The following HOOK3 variants were observed in gnomAD, a reference collection of about 807,000 sequenced individuals.
The protein encoded by HOOK3 is protein Hook homolog 3.
A neutral mutation model predicts 116.3 loss-of-function variants in HOOK3; 24 were observed. That is an observed-to-expected ratio of 0.21 (90% CI 0.15 to 0.29). HOOK3 has a LOEUF of 0.29. Ranked by LOEUF, HOOK3 falls within the 10% of genes least tolerant of loss-of-function variation. The pLI, the probability that HOOK3 is intolerant of heterozygous loss-of-function variation, is 1.00. For synonymous variants in HOOK3, 275 were observed against 283.0 expected, an observed-to-expected ratio of 0.97 and a Z score of 0.28; for missense variants, 632 against 830.2, an observed-to-expected ratio of 0.76 and a Z score of 2.93.
Position 42,919,232 on chromosome 8 carries a change from G to A in HOOK3, c.144-6325G>A, listed in dbSNP as rs565558583. ...GGGCTCCTCACTTCACAGACGGGGC[G>A]GCTTCCGGGCAGAGGGGCTCCTCAC... On this transcript the variant is annotated intron_variant, in intron 2 of 21. Transcript: ENST00000307602. Among the ~76,000 whole-genome samples the A allele has an allele frequency of 1.2e-4, 18 of 151,478 alleles. No homozygotes were observed. The East Asian group carries it at 1.8e-3, about 15-fold the overall frequency.
chr8:42,918,269 C>A (rs546648022), intron 2 of HOOK3, among the ~76,000 whole-genome samples: 2 of 151,950 alleles, frequency 1.3e-5, no homozygotes, highest in Admixed American at 1.3e-4. Context: ...ACCCAGGAGG[C>A]GGAGGTTGCA....
At chr8:42,988,014 T>C (rs990892909) in intron 15 of HOOK3, among the ~76,000 whole-genome samples, 1 of 152,198 alleles carries the variant, frequency 6.6e-6, no homozygotes, top group Admixed American at 6.6e-5. Context: ...TCACAATTGC[T>C]GTGACAGTTG....
chr8:42,957,510 T>C (rs1808457629), intron 7 of HOOK3, among the ~76,000 whole-genome samples: 1 of 152,150 alleles, frequency 6.6e-6, no homozygotes, highest in African/African-American at 2.4e-5. Flanking sequence ...CAGCTTATGA[T>C]TATATGAATC....
rs73627289 is a variant in HOOK3, at chr8:43,025,009, A to G, written c.*6511A>G. On this transcript the variant is annotated 3_prime_UTR_variant, in exon 22 of 22. Transcript: ENST00000307602. ...TTTCACATGTATTATCTATATGACT[A>G]TAGAAACTTATAAAACATTTAATTC... 2,318 of 203,354 alleles carry G rather than the reference A, an allele frequency of 0.011. 54 individuals are homozygous for G. The highest frequency in any genetic ancestry group is 0.05 in the African/African-American group (2,212 of 43,852). 12.6% of individuals were successfully genotyped at this position (203,354 alleles called of 1,614,324 possible).
intron 4 of HOOK3, among the ~76,000 whole-genome samples, chr8:42,935,256 A>G (rs975706951): frequency 2.1e-4 from 31 of 151,158 alleles, no homozygotes; most frequent in African/African-American, 7.1e-4. Flanking sequence ...TTTCTTGTAC[A>G]TTTGTTTAAG....
At chr8:42,977,750 C>A (rs1441858907) in intron 13 of HOOK3, among the ~76,000 whole-genome samples, 1 of 152,062 alleles carries the variant, frequency 6.6e-6, no homozygotes, top group Admixed American at 6.6e-5. Flanking sequence ...GCCTGTAATC[C>A]TAGCTACTCG....
At chr8:42,951,969 A>C (rs1371933463) in intron 6 of HOOK3, among the ~76,000 whole-genome samples, 1 of 152,144 alleles carries the variant, frequency 6.6e-6, no homozygotes, top group South Asian at 2.1e-4. Flanking sequence ...AAAGAAAAAC[A>C]TGAAAAATAT....
In HOOK3 at chr8:43,018,916, A is replaced by G. The variant is rs1192621845; in HGVS notation, c.*418A>G. On this transcript the variant is annotated 3_prime_UTR_variant, in exon 22 of 22. Transcript: ENST00000307602. ...TTGTTTAAAGGGAATTAATCTTTTT[A>G]TGATGTATTAATCTGTGTTTTCAAT... The G allele has an allele frequency of 9.0e-6, 2 of 221,994 alleles. No individual in the cohort carries two copies. Among genetic ancestry groups the G allele is most frequent in the Non-Finnish European group, 1.8e-5 (2 of 111,014 alleles). The allele number at this position is 221,994 out of a possible 1,614,324, so 13.8% of individuals were successfully genotyped here. A position where few individuals can be genotyped will look rare whatever the true frequency, so the allele number is the denominator to read the frequency against.
intron 5 of HOOK3, 134 bp downstream of exon 5, chr8:42,943,579 A>T: frequency 2.1e-6 from 1 of 482,546 alleles, no homozygotes; most frequent in African/African-American, 2.0e-5. Flanking sequence ...GCCATTTTCT[A>T]CAGTTTTACT....
intron 4 of HOOK3, among the ~76,000 whole-genome samples, chr8:42,934,178 T>C (rs1044906046): frequency 2.0e-5 from 3 of 152,080 alleles, no homozygotes; most frequent in African/African-American, 7.2e-5. Context: ...CTTTCTCTCG[T>C]TTTTTCTCTC....
In HOOK3 at chr8:42,951,836, G is replaced by A. The variant is rs544242444; in HGVS notation, c.468+1381G>A. Among the ~76,000 whole-genome samples the A allele has an allele frequency of 2.6e-5, 4 of 152,184 alleles. No homozygotes were observed. The East Asian group carries it at 7.8e-4, about 29-fold the overall frequency. On this transcript the variant is annotated intron_variant, in intron 6 of 21. Coordinates refer to ENST00000307602, the MANE Select transcript of HOOK3 (RefSeq NM_032410.4). ...CATGCCTGTAGTCCCAGCTTCTCGG[G>A]AGGCTGAGGCAGGAAAATTGCTTGA...
chr8:42,957,895 T>C (rs908104820), intron 7 of HOOK3, among the ~76,000 whole-genome samples: 3 of 148,390 alleles, frequency 2.0e-5, no homozygotes, highest in Non-Finnish European at 4.4e-5. Flanking sequence ...AGTGGCGCAA[T>C]CTCGGCTCAC....
At chr8:42,958,394 A>C (rs2130410046) in intron 7 of HOOK3, among the ~76,000 whole-genome samples, 1 of 152,114 alleles carries the variant, frequency 6.6e-6, no homozygotes, top group Middle Eastern at 3.4e-3. Flanking sequence ...ATTTTTTTTC[A>C]TACTTTGCTA....
intron 19 of HOOK3, among the ~76,000 whole-genome samples, chr8:43,012,036 C>A (rs867594653): frequency 6.6e-6 from 1 of 152,146 alleles, no homozygotes; most frequent in African/African-American, 2.4e-5. Context: ...TAGGCTTACA[C>A]CAGTCAGGAC....
Position 43,025,824 on chromosome 8 carries a change from C to G in HOOK3, c.*7326C>G, listed in dbSNP as rs1247171081. 4.7e-6 allele frequency: 1 copy of G among 210,594 alleles called. No individual in the cohort carries two copies. The highest frequency in any genetic ancestry group is 5.9e-5 in the Admixed American group (1 of 16,910). 13.0% of individuals were successfully genotyped at this position (210,594 alleles called of 1,614,324 possible). On this transcript the variant is annotated 3_prime_UTR_variant, in exon 22 of 22. Transcript: ENST00000307602. ...ATTTTATGTCCTTCTTACTTACACACAGTAGCCCCACACAGTTTTGTTTTA... is the reference window on the plus strand; with the variant it reads ...ATTTTATGTCCTTCTTACTTACACAGAGTAGCCCCACACAGTTTTGTTTTA...
intron 4 of HOOK3, among the ~76,000 whole-genome samples, chr8:42,932,551 T>C (rs954132062): frequency 6.6e-6 from 1 of 152,130 alleles, no homozygotes; most frequent in African/African-American, 2.4e-5. Context: ...TCCCTTCTTG[T>C]AATTTTTCTT....
chr8:42,946,174 C>G (rs752221892), intron 5 of HOOK3, among the ~76,000 whole-genome samples: 46 of 152,224 alleles, frequency 3.0e-4, no homozygotes, highest in South Asian at 8.3e-4. Flanking sequence ...AAGTACCTGC[C>G]CTCAAGGAAC....
intron 18 of HOOK3, among the ~76,000 whole-genome samples, chr8:43,009,760 C>T (rs1809568334): frequency 6.6e-6 from 1 of 152,126 alleles, no homozygotes; most frequent in Admixed American, 6.6e-5. Context: ...CACTTTTACC[C>T]ATCTACAAAA....
At position 43,009,822 on chromosome 8, in the gene HOOK3, C is replaced by T. The variant is rs74557894; in HGVS notation, c.1739-483C>T. Among the ~76,000 whole-genome samples the T allele has an allele frequency of 3.5e-3, 527 of 152,310 alleles. 4 individuals carry two copies. The highest frequency in any genetic ancestry group is 0.029 in the East Asian group (153 of 5,190). The stretch of plus-strand genomic sequence containing the variant: ...TATCATTAAACAATAACTCTCCCTT[C>T]CTTCCTCTCCCCAGCCGCTAATAAC... On this transcript the variant is annotated intron_variant, in intron 18 of 21. Coordinates refer to ENST00000307602, the MANE Select transcript of HOOK3 (RefSeq NM_032410.4).
Sources: gnomAD v4.1 joint callset for allele counts (sites outside exome capture counted in the v4.1 genomes callset) on GRCh38, gnomAD v4.1.1 for gene constraint, MANE v1.5 for transcripts, NCBI Gene and HGNC (gene_info 2026-07-23, HGNC 2026-07-21) for gene names.